Variants in DIXDC1 observed in about 807,000 individuals in gnomAD.
The protein encoded by DIXDC1 is dixin.
In DIXDC1, 64 loss-of-function variants were observed where a neutral mutation model predicts 103.1. The ratio of observed to expected loss-of-function variants is 0.62; its 90% CI spans 0.51 to 0.76. DIXDC1 has a LOEUF of 0.76. DIXDC1 is among the 30% of genes least tolerant of loss of function. DIXDC1 has a pLI of 0.00. For synonymous variants in DIXDC1, 266 were observed against 298.5 expected, an observed-to-expected ratio of 0.89 and a Z score of 1.12; for missense variants, 759 against 834.2, an observed-to-expected ratio of 0.91 and a Z score of 1.11.
At chr11:111,949,838 A>C (rs1394671807) in intron 1 of DIXDC1, among the ~76,000 whole-genome samples, 1 of 152,140 alleles carries the variant, frequency 6.6e-6, no homozygotes, top group Non-Finnish European at 1.5e-5. Flanking sequence ...GTAAAGAACC[A>C]GCCAGATGTC....
In DIXDC1 at chr11:112,017,679, C is replaced by T. The variant is rs1441127217; in HGVS notation, c.1863-98C>T. 2 of 970,882 alleles carry T rather than the reference C, an allele frequency of 2.1e-6. No homozygotes were observed. Among genetic ancestry groups the T allele is most frequent in the Non-Finnish European group, 3.1e-6 (2 of 643,474 alleles). 60.1% of individuals were successfully genotyped at this position (970,882 alleles called of 1,614,324 possible). On this transcript the variant is annotated intron_variant, in intron 18 of 19. Coordinates refer to ENST00000440460, the MANE Select transcript of DIXDC1 (RefSeq NM_001037954.4). This position sits in a 1 kb window ranked among gnomAD's most constrained non-coding sequence, Gnocchi z 4.0. ...GTGACCTAACAAGGGGCTATTTCTG[C>T]TTATTGACTTTGGCAGGGGGCTGTG...
At chr11:111,990,207 C>G (rs587709079) in intron 10 of DIXDC1, among the ~76,000 whole-genome samples, 1 of 152,026 alleles carries the variant, frequency 6.6e-6, no homozygotes, top group South Asian at 2.1e-4. Context: ...TCTCCTGCCT[C>G]AGCCTCCCGA....
At chr11:112,013,361 C>A (rs1861491465) in intron 17 of DIXDC1, among the ~76,000 whole-genome samples, 1 of 148,098 alleles carries the variant, frequency 6.8e-6, no homozygotes, top group African/African-American at 2.5e-5. Context: ...CAGTCCATAG[C>A]AATATTATTT....
intron 5 of DIXDC1, 81 bp downstream of exon 5, chr11:111,975,064 G>A: frequency 1.9e-6 from 3 of 1,544,956 alleles, no homozygotes; most frequent in Non-Finnish European, 2.6e-6. Context: ...AAGCAAAAAG[G>A]CACCTAAGCC....
chr11:111,989,819 C>T (rs868950628), intron 10 of DIXDC1, among the ~76,000 whole-genome samples: 1 of 149,386 alleles, frequency 6.7e-6, no homozygotes, highest in Non-Finnish European at 1.5e-5. Context: ...AACGGAGTCT[C>T]GCTCTGTTGC....
At chr11:111,959,352 C>T (rs1033304757) in intron 1 of DIXDC1, among the ~76,000 whole-genome samples, 4 of 152,190 alleles carry the variant, frequency 2.6e-5, no homozygotes, top group South Asian at 2.1e-4. Flanking sequence ...AGCTTCCAGG[C>T]GCCACCACAT....
In DIXDC1 at chr11:111,992,950, G is replaced by A; in HGVS notation, c.1219-1G>A. 1 of 1,607,118 alleles carries A rather than the reference G, an allele frequency of 6.2e-7. No individual in the cohort carries two copies. The highest frequency in any genetic ancestry group is 1.7e-4 in the Middle Eastern group (1 of 6,056). On this transcript the variant is annotated splice_acceptor_variant, in intron 11 of 19. Coordinates refer to ENST00000440460, the MANE Select transcript of DIXDC1 (RefSeq NM_001037954.4). LOFTEE classifies it high-confidence loss of function. The stretch of plus-strand genomic sequence containing the variant: ...CCATGAATTCTTTCTTATTCTTGCA[G>A]GTGGATCTGCAGAGGAAGCTAGATG...
chr11:111,996,349 C>T (rs782204779), intron 17 of DIXDC1: 46 of 439,856 alleles, frequency 1.0e-4, no homozygotes, highest in Middle Eastern at 1.2e-3. Flanking sequence ...CATTTAGCCA[C>T]GTGCAGGCAG....
upstream of DIXDC1, among the ~76,000 whole-genome samples, chr11:111,936,756 G>T (rs1330740710): frequency 6.6e-6 from 1 of 152,016 alleles, no homozygotes; most frequent in East Asian, 1.9e-4. Flanking sequence ...GAAAAAGGTT[G>T]CTGTTTTCGG....
At chr11:111,943,419 C>T (rs587738921) in intron 1 of DIXDC1, among the ~76,000 whole-genome samples, 2 of 151,694 alleles carry the variant, frequency 1.3e-5, no homozygotes, top group South Asian at 2.1e-4. Context: ...GCTGGGATTA[C>T]AGGCATGAAC....
At chr11:111,956,155 T>C (rs1455209164) in intron 1 of DIXDC1, among the ~76,000 whole-genome samples, 1 of 152,156 alleles carries the variant, frequency 6.6e-6, no homozygotes, top group Non-Finnish European at 1.5e-5. Flanking sequence ...ATTCCACTTA[T>C]ATGAAGTATC....
chr11:112,000,231 GAGAA>G (rs1353058983), intron 17 of DIXDC1, among the ~76,000 whole-genome samples: 1 of 152,046 alleles, frequency 6.6e-6, no homozygotes, highest in East Asian at 1.9e-4. Context: ...GAACACTATC[GAGAA>G]AGTAAGTAGA....
intron 7 of DIXDC1, among the ~76,000 whole-genome samples, chr11:111,983,293 G>A (rs1860381605): frequency 1.3e-5 from 2 of 152,220 alleles, no homozygotes; most frequent in Non-Finnish European, 2.9e-5. Flanking sequence ...AGGCGGTGGA[G>A]GGCGTGCTCC....
chr11:111,977,925 A>C lies in DIXDC1; in HGVS notation c.657-2812A>C. The C allele has an allele frequency of 7.7e-7, 1 of 1,303,080 alleles. No individual in the cohort carries two copies. The highest frequency in any genetic ancestry group is 1.0e-6 in the Non-Finnish European group (1 of 974,140). 80.7% of individuals were successfully genotyped at this position (1,303,080 alleles called of 1,614,324 possible). On this transcript the variant is annotated intron_variant, in intron 5 of 19. Transcript: ENST00000440460. This position sits in a 1 kb window ranked among gnomAD's most constrained non-coding sequence, Gnocchi z 6.1. ...ATGTTGGGAGGACCGGCTGCTGACC[A>C]GGGGTTATCACTATAAAATACGGTG...
intron 3 of DIXDC1, among the ~76,000 whole-genome samples, chr11:111,971,460 T>C (rs1859923076): frequency 6.6e-6 from 1 of 152,106 alleles, no homozygotes; most frequent in South Asian, 2.1e-4. Flanking sequence ...AAATAACAGA[T>C]GTTGGCAAGG....
intron 14 of DIXDC1, among the ~76,000 whole-genome samples, chr11:111,994,166 A>T (rs1457037747): frequency 6.6e-6 from 1 of 152,082 alleles, no homozygotes; most frequent in African/African-American, 2.4e-5. Flanking sequence ...GCAGGTGGCT[A>T]ACTTGAGGTC....
At chr11:112,013,519 A>G (rs587704342) in intron 17 of DIXDC1, among the ~76,000 whole-genome samples, 1 of 152,274 alleles carries the variant, frequency 6.6e-6, no homozygotes, top group South Asian at 2.1e-4. Flanking sequence ...TTTAAAATGA[A>G]TAATGAGATG....
At position 112,017,921 on chromosome 11, in the gene DIXDC1, G is replaced by T; in HGVS notation, c.1971+36G>T. Reference sequence around the variant, plus strand: ...TGTGGGGAGTCTGTATGGTATTATTGGTCCTTTCTGAACCCTGAAGCCTCC... The same window carrying T: ...TGTGGGGAGTCTGTATGGTATTATTTGTCCTTTCTGAACCCTGAAGCCTCC... On this transcript the variant is annotated intron_variant, in intron 19 of 19. Transcript: ENST00000440460. The surrounding 1 kb of genome is among the most constrained non-coding windows in gnomAD (Gnocchi z 4.0). The T allele has an allele frequency of 2.6e-6, 4 of 1,530,428 alleles. No homozygotes were observed. Among genetic ancestry groups the T allele is most frequent in the Admixed American group, 3.8e-5 (2 of 52,888 alleles). The allele number at this position is 1,530,428 out of a possible 1,614,324, so 94.8% of individuals were successfully genotyped here.
At chr11:112,006,634 G>A (rs930276683) in intron 17 of DIXDC1, among the ~76,000 whole-genome samples, 1 of 152,230 alleles carries the variant, frequency 6.6e-6, no homozygotes, top group Non-Finnish European at 1.5e-5. Context: ...TTGCTGTTCT[G>A]CAGCCTCCAC....
Sources: gnomAD v4.1 joint callset for allele counts (sites outside exome capture counted in the v4.1 genomes callset) on GRCh38, gnomAD v4.1.1 for gene constraint, Gnocchi (gnomAD v3.1) non-coding constraint, MANE v1.5 for transcripts, NCBI Gene and HGNC (gene_info 2026-07-23, HGNC 2026-07-21) for gene names.